PELO: variants seen among roughly 807,000 people sequenced by gnomAD.
PELO encodes the protein protein pelota homolog.
In PELO, 19 loss-of-function variants were observed where a neutral mutation model predicts 25.9. The ratio of observed to expected loss-of-function variants is 0.73; its 90% CI spans 0.51 to 1.08. PELO has a LOEUF of 1.08. Ranked by LOEUF, PELO falls within the 50% of genes least tolerant of loss-of-function variation. The pLI is 0.00. For synonymous variants in PELO, 196 were observed against 192.2 expected (o/e 1.02, Z -0.16); for missense variants, 498 against 491.4 (o/e 1.01, Z -0.13).
In PELO at chr5:52,800,134, T is replaced by C. The variant is rs1048527029; in HGVS notation, c.-261T>C. ...GCTGTTGCGTGCTGCCAGCGGGAAC[T>C]GTGTAGGGGTAGATTTTCGCTGCAG... On this transcript the variant is annotated 5_prime_UTR_variant, in exon 2 of 3. Coordinates refer to ENST00000274311, the MANE Select transcript of PELO (RefSeq NM_015946.5). The C allele has an allele frequency of 2.0e-5, 9 of 440,458 alleles. No homozygotes were observed. Among genetic ancestry groups the C allele is most frequent in the African/African-American group, 6.1e-5 (3 of 49,474 alleles). 27.3% of individuals were successfully genotyped at this position (440,458 alleles called of 1,614,324 possible). A position where few individuals can be genotyped will look rare whatever the true frequency, so the allele number is the denominator to read the frequency against.
At chr5:52,794,031 T>C (rs951999566) in intron 1 of PELO, among the ~76,000 whole-genome samples, 14 of 151,926 alleles carry the variant, frequency 9.2e-5, no homozygotes, top group Non-Finnish European at 8.8e-5. Flanking sequence ...TAAAAGGAAA[T>C]TAAAATGCAT....
At chr5:52,799,302 T>C (rs1748405972) in intron 1 of PELO, among the ~76,000 whole-genome samples, 1 of 152,202 alleles carries the variant, frequency 6.6e-6, no homozygotes, top group Non-Finnish European at 1.5e-5. Flanking sequence ...TCAATCAGGG[T>C]CAGTCCTAGT....
chr5:52,800,197 CTG>C lies in PELO; in HGVS notation c.-197_-196del, dbSNP rs1014957692. The C allele has an allele frequency of 6.7e-6, 4 of 600,856 alleles. No individual in the cohort carries two copies. The highest frequency in any genetic ancestry group is 2.0e-5 in the South Asian group (1 of 50,536). The allele number at this position is 600,856 out of a possible 1,614,324, so 37.2% of individuals were successfully genotyped here. A position where few individuals can be genotyped will look rare whatever the true frequency, so the allele number is the denominator to read the frequency against. ...CTGTTAGACGCAGCGCGCCGGGAGA[CTG>C]AGAGAGGAAAGGATAGAGGAAGTGC... is the stretch of plus-strand genomic sequence containing the variant. On this transcript the variant is annotated 5_prime_UTR_variant, in exon 2 of 3. Coordinates refer to ENST00000274311, the MANE Select transcript of PELO (RefSeq NM_015946.5).
Position 52,801,886 on chromosome 5 carries a change from T to C in PELO, c.*46T>C. ...GACAATCTTGTGTTTCCTAAACTGT[T>C]ACAGTACATTTCTCAGCATCCTTGT... On this transcript the variant is annotated 3_prime_UTR_variant, in exon 3 of 3. Coordinates refer to ENST00000274311, the MANE Select transcript of PELO (RefSeq NM_015946.5). 1.4e-6 allele frequency: 2 copies of C among 1,393,860 alleles called. No homozygotes were observed. The highest frequency in any genetic ancestry group is 2.0e-6 in the Non-Finnish European group (2 of 1,024,168). The allele number at this position is 1,393,860 out of a possible 1,614,324, so 86.3% of individuals were successfully genotyped here. A position where few individuals can be genotyped will look rare whatever the true frequency, so the allele number is the denominator to read the frequency against.
chr5:52,801,027 A>G lies in PELO; in HGVS notation c.633A>G (p.Gly211=). The G allele has an allele frequency of 6.2e-7, 1 of 1,614,128 alleles. No homozygotes were observed. Among genetic ancestry groups the G allele is most frequent in the African/African-American group, 1.3e-5 (1 of 75,018 alleles). Residue 211 remains glycine, a synonymous_variant, in exon 2 of 3, where the codon GGA becomes GGG. Coordinates refer to ENST00000274311, the MANE Select transcript of PELO (RefSeq NM_015946.5). ...VVKCILVASP[G]FVREQFCDYL... ...AGTGCATCCTGGTGGCCAGCCCAGG[A>G]TTTGTGAGGGAGCAGTTCTGCGACT...
At chr5:52,789,700 C>T (rs1302172475) in intron 1 of PELO, among the ~76,000 whole-genome samples, 1 of 152,158 alleles carries the variant, frequency 6.6e-6, no homozygotes, top group Admixed American at 6.5e-5. Context: ...ACATATTTGA[C>T]CTATGATTCT....
Position 52,800,681 on chromosome 5 carries a change from TG to T in PELO, c.292del (p.Ala98LeufsTer54), listed in dbSNP as rs1178514782. ...ATCCAAGAGAATGAGTATGTCAAGATGGGGGCTTACCACACCATCGAGCTGG... is the reference window on the plus strand; with the variant it reads ...ATCCAAGAGAATGAGTATGTCAAGATGGGGCTTACCACACCATCGAGCTGG... ...TNIQENEYVKMGAYHTIELEP... is the reference protein window; with the variant it reads ...TNIQENEYVKXGAYHTIELEP... On this transcript the variant is annotated frameshift_variant, in exon 2 of 3. Transcript: ENST00000274311. LOFTEE classifies it high-confidence loss of function. 1 of 1,614,098 alleles carries T rather than the reference TG, an allele frequency of 6.2e-7. No homozygotes were observed. The highest frequency in any genetic ancestry group is 8.5e-7 in the Non-Finnish European group (1 of 1,180,014).
At chr5:52,792,470 G>A (rs1301267933) in intron 1 of PELO, among the ~76,000 whole-genome samples, 1 of 152,116 alleles carries the variant, frequency 6.6e-6, no homozygotes, top group Non-Finnish European at 1.5e-5. Flanking sequence ...ACATATATAT[G>A]CTATACTAGT....
Position 52,800,088 on chromosome 5 carries a change from G to A in PELO, c.-307G>A, listed in dbSNP as rs1026500015. The A allele has an allele frequency of 8.3e-6, 3 of 362,566 alleles. No individual in the cohort carries two copies. The highest frequency in any genetic ancestry group is 1.5e-5 in the Non-Finnish European group (3 of 197,376). 22.5% of individuals were successfully genotyped at this position (362,566 alleles called of 1,614,324 possible). A position where few individuals can be genotyped will look rare whatever the true frequency, so the allele number is the denominator to read the frequency against. ...GGGTCGCGGGACGGGGGCTGCGCAT[G>A]CGCCTTCATTTCGTCAGCCCGCTGT... is the stretch of plus-strand genomic sequence containing the variant. On this transcript the variant is annotated 5_prime_UTR_variant, in exon 2 of 3. An upstream start codon of the reference 5' UTR is lost. Coordinates refer to ENST00000274311, the MANE Select transcript of PELO (RefSeq NM_015946.5).
At chr5:52,796,148 T>TAA (rs546540911) in intron 1 of PELO, among the ~76,000 whole-genome samples, 4 of 151,964 alleles carry the variant, frequency 2.6e-5, no homozygotes, top group Non-Finnish European at 5.9e-5. Flanking sequence ...TTCAGTGAAA[T>TAA]AAATTGGGTT....
At chr5:52,797,639 T>G (rs1320032093) in intron 1 of PELO, among the ~76,000 whole-genome samples, 2 of 152,038 alleles carry the variant, frequency 1.3e-5, no homozygotes, top group African/African-American at 4.8e-5. Flanking sequence ...AGCACATAAT[T>G]TGCAGTGAAG....
Position 52,800,187 on chromosome 5 carries a change from C to G in PELO, c.-208C>G, listed in dbSNP as rs1748433812. 3.4e-6 allele frequency: 2 copies of G among 590,302 alleles called. No homozygotes were observed. Among genetic ancestry groups the G allele is most frequent in the East Asian group, 2.9e-5 (1 of 35,040 alleles). The allele number at this position is 590,302 out of a possible 1,614,324, so 36.6% of individuals were successfully genotyped here. On this transcript the variant is annotated 5_prime_UTR_variant, in exon 2 of 3. Transcript: ENST00000274311. ...TTCCCCGAGCCTGTTAGACGCAGCG[C>G]GCCGGGAGACTGAGAGAGGAAAGGA... is the stretch of plus-strand genomic sequence containing the variant.
Position 52,800,270 on chromosome 5 carries a change from A to G in PELO, c.-125A>G. The G allele has an allele frequency of 5.3e-6, 5 of 947,994 alleles. No individual in the cohort carries two copies. In the South Asian group the frequency reaches 7.8e-5, roughly 15 times the overall value. 58.7% of individuals were successfully genotyped at this position (947,994 alleles called of 1,614,324 possible). ...GAAGCAAGCGTGTTTCCTTCCCGCC[A>G]GGCAAGTGCCCTTAGAAACCGGGCC... On this transcript the variant is annotated 5_prime_UTR_variant, in exon 2 of 3. Transcript: ENST00000274311.
chr5:52,789,274 C>G (rs1367470134), intron 1 of PELO, among the ~76,000 whole-genome samples: 2 of 151,934 alleles, frequency 1.3e-5, no homozygotes, highest in Non-Finnish European at 2.9e-5. Flanking sequence ...GAAAGTGTAT[C>G]GATAGAATCT....
At position 52,791,260 on chromosome 5, in the gene PELO, G is replaced by C. The variant is rs142829772; in HGVS notation, c.-511+2846G>C. Among the ~76,000 whole-genome samples the C allele has an allele frequency of 5.3e-3, 805 of 152,272 alleles. 7 individuals are homozygous for C. Among genetic ancestry groups the C allele is most frequent in the African/African-American group, 0.018 (757 of 41,564 alleles). Reference sequence around the variant, plus strand: ...GAGAGGCCTTAAAGGAACAAGAAAAGAGGGTGGAGCATCTAGCGCAAGCAA... The same window carrying C: ...GAGAGGCCTTAAAGGAACAAGAAAACAGGGTGGAGCATCTAGCGCAAGCAA... On this transcript the variant is annotated intron_variant, in intron 1 of 2. Coordinates refer to ENST00000274311, the MANE Select transcript of PELO (RefSeq NM_015946.5).
chr5:52,788,140 C>T lies in PELO; in HGVS notation c.-785C>T. ...CGAAGGGGCGGGCGATGTGGCAATC[C>T]GTCTGGGATGTGAAAAGCGTGGAGC... is the stretch of plus-strand genomic sequence containing the variant. On this transcript the variant is annotated 5_prime_UTR_variant, in exon 1 of 3. Coordinates refer to ENST00000274311, the MANE Select transcript of PELO (RefSeq NM_015946.5). The T allele has an allele frequency of 2.2e-6, 1 of 444,486 alleles. No homozygotes were observed. Among genetic ancestry groups the T allele is most frequent in the East Asian group, 3.6e-5 (1 of 27,560 alleles). 27.5% of individuals were successfully genotyped at this position (444,486 alleles called of 1,614,324 possible).
intron 1 of PELO, among the ~76,000 whole-genome samples, chr5:52,791,405 A>C (rs550279353): frequency 9.2e-5 from 14 of 152,238 alleles, no homozygotes; most frequent in African/African-American, 3.4e-4. Context: ...TGGCCATTAG[A>C]CTGGAGTTGT....
At chr5:52,790,145 A>C (rs6863805) in intron 1 of PELO, among the ~76,000 whole-genome samples, 67 of 152,108 alleles carry the variant, frequency 4.4e-4, no homozygotes, top group African/African-American at 1.2e-3. Context: ...TCATCACCAT[A>C]CTTATCCATG....
chr5:52,800,505 C>T lies in PELO; in HGVS notation c.111C>T (p.Asp37=). ...WHTYNLVQVG[D]SLRASTIRKV... ...CTTACAACCTCGTGCAGGTGGGCGA[C>T]AGCCTGCGCGCCTCCACCATCCGCA... Residue 37 remains aspartate (D), a synonymous_variant, in exon 2 of 3, where the codon GAC becomes GAT. Transcript: ENST00000274311. 6.2e-7 allele frequency: 1 copy of T among 1,614,156 alleles called. No individual in the cohort carries two copies. The highest frequency in any genetic ancestry group is 2.2e-5 in the East Asian group (1 of 44,880).
Sources: gnomAD v4.1 joint callset for allele counts (sites outside exome capture counted in the v4.1 genomes callset) on GRCh38, gnomAD v4.1.1 for gene constraint, MANE v1.5 for transcripts, NCBI Gene and HGNC (gene_info 2026-07-23, HGNC 2026-07-21) for gene names.